Variants in CDH23 observed in about 807,000 individuals in gnomAD.
CDH23 encodes cadherin related 23.
In CDH23, 189 loss-of-function variants were observed where a neutral mutation model predicts 317.1. The ratio of observed to expected loss-of-function variants is 0.60; its 90% confidence interval spans 0.53 to 0.67. The LOEUF (loss-of-function observed/expected upper bound fraction) is 0.67. CDH23 is among the 30% of genes least tolerant of loss of function. CDH23 has a pLI of 0.00. For synonymous variants in CDH23, 1,839 were observed against 1,876.8 expected (o/e 0.98, Z 0.52); for missense variants, 4,401 against 4,592.4 (o/e 0.96, Z 1.20).
rs764694909 is a variant in CDH23 at position 71,800,677 on chromosome 10, G to A, written c.7404G>A (p.Lys2468=). ...YVLSSLDREK[K]DHYILTALAK... Reference sequence around the variant, plus strand: ...TGTCTTCTCTGGACCGGGAGAAGAAGGACCACTATATCCTGACTGCCTTGG... The same window carrying A: ...TGTCTTCTCTGGACCGGGAGAAGAAAGACCACTATATCCTGACTGCCTTGG... The change falls in exon 53 of 70, where the codon AAG becomes AAA. Residue 2468 remains lysine (K), a synonymous_variant. Coordinates refer to ENST00000224721, the MANE Select transcript of CDH23 (RefSeq NM_022124.6). 4 of 1,613,752 alleles carry A rather than the reference G, an allele frequency of 2.5e-6. No individual in the cohort carries two copies. Among genetic ancestry groups the A allele is most frequent in the Non-Finnish European group, 2.5e-6 (3 of 1,179,868 alleles).
At chr10:71,642,617 C>T (rs2132584878) in intron 11 of CDH23, among the ~76,000 whole-genome samples, 1 of 152,036 alleles carries the variant, frequency 6.6e-6, no homozygotes, top group Middle Eastern at 3.4e-3. Context: ...CCAGGCTGGT[C>T]TCGAACTCCT....
chr10:71,569,573 T>C (rs1456706018), intron 7 of CDH23, among the ~76,000 whole-genome samples: 1 of 152,174 alleles, frequency 6.6e-6, no homozygotes, highest in Non-Finnish European at 1.5e-5. Flanking sequence ...GAGACCGAAC[T>C]GATGTTAGAG....
rs1179721575 is a variant in CDH23, at chr10:71,809,999, G to A, written c.8902G>A (p.Val2968Met). ...CGTCATTAACGAGATCCCCGACCGT[G>A]TGCGCGGCTTCGAGGAGGAGTTCAT... is the stretch of plus-strand genomic sequence containing the variant. ...KIVINEIPDR[V>M]RGFEEEFIHL... Residue 2968 changes from valine (V) to methionine (M), a missense_variant, in exon 61 of 70, where the codon GTG (valine) becomes ATG (methionine). Val to Met is a conservative substitution (Grantham distance 21). Transcript: ENST00000224721. The A allele has an allele frequency of 1.2e-6, 2 of 1,612,406 alleles. No individual in the cohort carries two copies. Among genetic ancestry groups the A allele is most frequent in the Non-Finnish European group, 1.7e-6 (2 of 1,179,886 alleles).
intron 51 of CDH23, 105 bp from the exon 52 acceptor site, chr10:71,799,387 C>T: frequency 6.2e-7 from 1 of 1,603,364 alleles, no homozygotes; most frequent in South Asian, 1.1e-5. Flanking sequence ...CTGGGAGTGC[C>T]CAGCCCACGA....
At chr10:71,707,204 G>T (rs1865826401) in intron 26 of CDH23, 155 bp downstream of exon 26, 43 of 1,504,362 alleles carry the variant, frequency 2.9e-5, no homozygotes, top group Non-Finnish European at 3.8e-5. Context: ...GCCTCCCGAG[G>T]ATTTGCTCCT....
Position 71,811,753 on chromosome 10 carries a change from G to C in CDH23, c.9319G>C (p.Gly3107Arg). Residue 3107 changes from glycine to arginine, a missense_variant and splice_region_variant, in exon 65 of 70, where the codon GGG becomes CGG. Around this residue, in one of 3 missense-constraint regions of CDH23, gnomAD observed 1,144 missense variants for 1,138.2 expected, o/e 1.01. Transcript: ENST00000224721. ...KLKAIVAGSA[G>R]NRGFIDIMDM... Reference sequence around the variant, plus strand: ...CAAGGCCATTGTGGCTGGCTCAGCTGGTAAGTGAGGGCCATAGTGGGGACA... The same window carrying C: ...CAAGGCCATTGTGGCTGGCTCAGCTCGTAAGTGAGGGCCATAGTGGGGACA... 1 of 1,572,342 alleles carries C rather than the reference G, an allele frequency of 6.4e-7. No individual in the cohort carries two copies. Among genetic ancestry groups the C allele is most frequent in the Non-Finnish European group, 8.6e-7 (1 of 1,159,346 alleles).
In CDH23 at chr10:71,785,701, T is replaced by C; in HGVS notation, c.5783T>C (p.Val1928Ala). The C allele has an allele frequency of 6.2e-7, 1 of 1,608,622 alleles. No individual in the cohort carries two copies. The highest frequency in any genetic ancestry group is 8.5e-7 in the Non-Finnish European group (1 of 1,177,742). Residue 1928 changes from valine to alanine, a missense_variant, in exon 44 of 70, where the codon GTG becomes GCG. By Grantham distance (64) the Val-to-Ala change is moderately conservative. Around this residue, in one of 3 missense-constraint regions of CDH23, gnomAD observed 3,068 missense variants for 3,203.3 expected, o/e 0.96. Transcript: ENST00000224721. ...CCAGAGTACAAGCTGACCATTTCTGTGAAGGACAACCCGGAGAATCCACGC... is the reference window on the plus strand; with the variant it reads ...CCAGAGTACAAGCTGACCATTTCTGCGAAGGACAACCCGGAGAATCCACGC... The part of the protein sequence containing the change: ...RIPEYKLTIS[V>A]KDNPENPRIA...
chr10:71,803,917 G>A (rs1262427536), intron 55 of CDH23, among the ~76,000 whole-genome samples: 4 of 148,590 alleles, frequency 2.7e-5, no homozygotes, highest in Non-Finnish European at 4.4e-5. Context: ...CCCGGGAGAC[G>A]GAGGTTGCAG....
chr10:71,770,298 C>G (rs1160570815), intron 38 of CDH23, among the ~76,000 whole-genome samples: 2 of 152,250 alleles, frequency 1.3e-5, no homozygotes, highest in Non-Finnish European at 2.9e-5. Context: ...GTGGTATCAT[C>G]TTCCCACTTT....
rs1420129485 is a variant in CDH23, at chr10:71,532,700, CTTTTGT to C, written c.429+21499_429+21504del. Reference sequence around the variant, plus strand: ...ATTAAGTTTGATGTTGGCAAGTTTTCTTTTGTTTTTGTTTTTTTTTTTTTTTGTTTT... The same window carrying C: ...ATTAAGTTTGATGTTGGCAAGTTTTCTTTTGTTTTTTTTTTTTTTTGTTTT... On this transcript the variant is annotated intron_variant, in intron 6 of 69. Coordinates refer to ENST00000224721, the MANE Select transcript of CDH23 (RefSeq NM_022124.6). 6.8e-3 allele frequency among the ~76,000 whole-genome samples: 889 copies of C among 130,434 alleles called. 3 individuals carry two copies. The highest frequency in any genetic ancestry group is 8.1e-3 in the African/African-American group (294 of 36,266). 85.6% of individuals were successfully genotyped at this position (130,434 alleles called of 152,430 possible). A position where few individuals can be genotyped will look rare whatever the true frequency, so the allele number is the denominator to read the frequency against.
At chr10:71,614,769 G>A (rs1589263952) in intron 9 of CDH23, among the ~76,000 whole-genome samples, 1 of 152,300 alleles carries the variant, frequency 6.6e-6, no homozygotes, top group East Asian at 1.9e-4. Flanking sequence ...AGGCAGGAAA[G>A]AGCATAGTGA....
intron 3 of CDH23, among the ~76,000 whole-genome samples, chr10:71,498,457 G>T (rs893945968): frequency 1.7e-4 from 26 of 152,228 alleles, no homozygotes; most frequent in African/African-American, 5.8e-4. Context: ...GGGTCCCGGG[G>T]AAAGGCCAGG....
At chr10:71,790,160 C>T in intron 45 of CDH23, 128 bp from the exon 46 acceptor site, 2 of 1,327,392 alleles carry the variant, frequency 1.5e-6, no homozygotes, top group Non-Finnish European at 1.0e-6. Context: ...AGGGCCTCCC[C>T]ACCCTGTCCA....
At chr10:71,769,884 G>C (rs1222644454) in intron 38 of CDH23, among the ~76,000 whole-genome samples, 1 of 152,244 alleles carries the variant, frequency 6.6e-6, no homozygotes, top group Non-Finnish European at 1.5e-5. Context: ...AAAAAGATCA[G>C]ATGTAAGAAA....
chr10:71,460,384 TC>T (rs1850920007), intron 3 of CDH23, among the ~76,000 whole-genome samples: 1 of 152,258 alleles, frequency 6.6e-6, no homozygotes, highest in Admixed American at 6.5e-5. Context: ...CTGTGGGCCC[TC>T]CTTTCCTGGG....
intron 3 of CDH23, among the ~76,000 whole-genome samples, chr10:71,465,622 G>T (rs79096678): frequency 6.6e-6 from 1 of 152,204 alleles, no homozygotes; most frequent in African/African-American, 2.4e-5. Flanking sequence ...CCTGCTGGCC[G>T]TGAATTTTTA....
rs1460391870 is a variant in CDH23, at chr10:71,669,478, G to C, written c.1450-5634G>C. Reference sequence around the variant, plus strand: ...TTTTTTTTTTTTGTAAGATGGAGTCGCATTCTGTCACTAGGCTGAAGTGCA... The same window carrying C: ...TTTTTTTTTTTTGTAAGATGGAGTCCCATTCTGTCACTAGGCTGAAGTGCA... On this transcript the variant is annotated intron_variant, in intron 14 of 69. Coordinates refer to ENST00000224721, the MANE Select transcript of CDH23 (RefSeq NM_022124.6). Among the ~76,000 whole-genome samples, 8 of 147,384 alleles carry C rather than the reference G, an allele frequency of 5.4e-5. No homozygotes were observed. In the South Asian group the frequency reaches 6.4e-4, roughly 12 times the overall value.
chr10:71,435,715 G>A (rs752513384), intron 1 of CDH23, among the ~76,000 whole-genome samples: 4 of 152,232 alleles, frequency 2.6e-5, no homozygotes, highest in African/African-American at 4.8e-5. Context: ...AGGTGGGCCT[G>A]AGGATGGTGG....
At chr10:71,542,210 G>C (rs879497457) in intron 6 of CDH23, among the ~76,000 whole-genome samples, 2 of 152,224 alleles carry the variant, frequency 1.3e-5, no homozygotes, top group Non-Finnish European at 2.9e-5. Flanking sequence ...GCGTAGCTTA[G>C]TAATTAACAG....
Sources: allele counts gnomAD v4.1 joint callset (sites outside exome capture counted in the v4.1 genomes callset), GRCh38; gene constraint gnomAD v4.1.1; regional missense constraint gnomAD v4.1.1; transcripts MANE v1.5; gene names NCBI Gene and HGNC (gene_info 2026-07-23, HGNC 2026-07-21).